PCED1B: variants seen among roughly 807,000 people sequenced by gnomAD.
PCED1B encodes PC-esterase domain-containing protein 1B.
For missense variants in PCED1B, 573 were observed against 573.9 expected (o/e 1.00, Z 0.02); for synonymous variants, 251 against 246.1 (o/e 1.02, Z -0.19).
At chr12:47,135,582 A>G in intron 2 of PCED1B, 1 of 505,036 alleles carries the variant, frequency 2.0e-6, no homozygotes, top group East Asian at 5.4e-5. Flanking sequence ...GGCACTTGGC[A>G]GTGGAGACAC....
At chr12:47,103,922 C>T (rs774079512) in intron 1 of PCED1B, among the ~76,000 whole-genome samples, 191 bp from the exon 2 acceptor site, 2 of 152,180 alleles carry the variant, frequency 1.3e-5, no homozygotes, top group Non-Finnish European at 2.9e-5. Context: ...TTAGTGACCC[C>T]GATGGCCCCT....
chr12:47,231,398 G>A (rs558756990), intron 3 of PCED1B, among the ~76,000 whole-genome samples: 2 of 288 alleles, frequency 6.9e-3, no homozygotes, highest in Admixed American at 0.018. Flanking sequence ...GGAGATAATT[G>A]GAGAGGGTGC....
rs902907045 is a variant in PCED1B at position 47,130,924 on chromosome 12, C to T, written c.-526+26729C>T. ...AAAAGTTATATTAATCAGCTATTTA[C>T]AATTAACGAAGATGATTGAGATGTG... On this transcript the variant is annotated intron_variant, in intron 2 of 3. Coordinates refer to ENST00000546455, the MANE Select transcript of PCED1B (RefSeq NM_138371.3). Among the ~76,000 whole-genome samples the T allele has an allele frequency of 2.6e-5, 4 of 152,064 alleles. No homozygotes were observed. In the East Asian group the frequency reaches 7.7e-4, roughly 29 times the overall value.
intron 3 of PCED1B, among the ~76,000 whole-genome samples, chr12:47,233,422 G>C (rs1565618107): frequency 1.3e-5 from 2 of 152,228 alleles, no homozygotes; most frequent in African/African-American, 4.8e-5. Context: ...ACAGGCGTGA[G>C]CCGCCACAAT....
intron 2 of PCED1B, among the ~76,000 whole-genome samples, chr12:47,115,575 T>A (rs1939383085): frequency 6.6e-6 from 1 of 152,178 alleles, no homozygotes; most frequent in Admixed American, 6.5e-5. Context: ...CCCTCATCTT[T>A]TTCTTCTTCC....
At chr12:47,171,787 C>T (rs1162373228) in intron 2 of PCED1B, among the ~76,000 whole-genome samples, 10 of 144,726 alleles carry the variant, frequency 6.9e-5, no homozygotes, top group East Asian at 2.3e-4. Context: ...ATCAGTCTAA[C>T]GTTTCTTCTT....
intron 2 of PCED1B, among the ~76,000 whole-genome samples, chr12:47,163,325 T>C (rs1292856359): frequency 6.6e-6 from 1 of 152,150 alleles, no homozygotes; most frequent in African/African-American, 2.4e-5. Flanking sequence ...TGAATTAGGG[T>C]TTTCAACATA....
At chr12:47,085,717 T>A (rs1246369320) in intron 1 of PCED1B, among the ~76,000 whole-genome samples, 1 of 152,248 alleles carries the variant, frequency 6.6e-6, no homozygotes, top group Non-Finnish European at 1.5e-5. Context: ...ACCTGTGCCA[T>A]AACAGTGTTT....
In PCED1B at chr12:47,235,311, G is replaced by T; in HGVS notation, c.248G>T (p.Arg83Leu). The change falls in exon 4 of 4, where the codon CGC becomes CTC. Residue 83 changes from arginine to leucine, a missense_variant. Transcript: ENST00000546455. The stretch of plus-strand genomic sequence containing the variant: ...AACTACCGTGAGGTCCGCGAGTTCC[G>T]CTCCGACCACCATCTGGTACGTTTT... ...GLNYREVREF[R>L]SDHHLVRFYF... 2 of 1,613,980 alleles carry T rather than the reference G, an allele frequency of 1.2e-6. No individual in the cohort carries two copies. The highest frequency in any genetic ancestry group is 1.7e-6 in the Non-Finnish European group (2 of 1,180,036).
intron 2 of PCED1B, among the ~76,000 whole-genome samples, chr12:47,117,659 C>T (rs866667778): frequency 2.6e-5 from 4 of 152,020 alleles, no homozygotes; most frequent in African/African-American, 9.7e-5. Flanking sequence ...AATAAACATA[C>T]GTGTGCATGT....
intron 2 of PCED1B, among the ~76,000 whole-genome samples, chr12:47,148,047 G>A (rs1940855582): frequency 6.6e-6 from 1 of 152,224 alleles, no homozygotes; most frequent in Non-Finnish European, 1.5e-5. Context: ...AGAGTTTGAT[G>A]TTAAGGTGCT....
chr12:47,096,478 G>A (rs1938488541), intron 1 of PCED1B, among the ~76,000 whole-genome samples: 1 of 151,448 alleles, frequency 6.6e-6, no homozygotes, highest in Admixed American at 6.6e-5. Flanking sequence ...GTGTACAGCT[G>A]TTCACATAAA....
At chr12:47,100,483 C>T (rs1045975026) in intron 1 of PCED1B, among the ~76,000 whole-genome samples, 4 of 152,168 alleles carry the variant, frequency 2.6e-5, no homozygotes, top group African/African-American at 9.7e-5. Context: ...TAAAGCACTT[C>T]TTCTCCCTTT....
intron 2 of PCED1B, among the ~76,000 whole-genome samples, chr12:47,176,662 T>C (rs899667263): frequency 3.3e-5 from 5 of 152,198 alleles, no homozygotes; most frequent in African/African-American, 1.2e-4. Context: ...TAGTAAATTA[T>C]CGAACCTGAG....
intron 2 of PCED1B, among the ~76,000 whole-genome samples, chr12:47,172,281 G>A (rs544106662): frequency 6.8e-6 from 1 of 147,832 alleles, no homozygotes; most frequent in Admixed American, 6.7e-5. Flanking sequence ...TTTGAACCCA[G>A]CATAAATCAT....
Position 47,131,788 on chromosome 12 carries a change from C to T in PCED1B, c.-526+27593C>T, listed in dbSNP as rs538597962. ...GGTTCAAGCAATTCCCCTGCCTCAGCCTCCCGAGTAGCTGGGATTACAGGC... is the reference window on the plus strand; with the variant it reads ...GGTTCAAGCAATTCCCCTGCCTCAGTCTCCCGAGTAGCTGGGATTACAGGC... On this transcript the variant is annotated intron_variant, in intron 2 of 3. Transcript: ENST00000546455. 2.6e-5 allele frequency among the ~76,000 whole-genome samples: 4 copies of T among 151,184 alleles called. No individual in the cohort carries two copies. The South Asian group carries it at 8.4e-4, about 32-fold the overall frequency.
chr12:47,135,234 A>G (rs1160465541), intron 2 of PCED1B, among the ~76,000 whole-genome samples: 1 of 152,356 alleles, frequency 6.6e-6, no homozygotes, highest in South Asian at 2.1e-4. Context: ...TTCAAAGGAT[A>G]TATGCAATTA....
chr12:47,196,236 T>G (rs1942598947), intron 2 of PCED1B, among the ~76,000 whole-genome samples: 1 of 152,216 alleles, frequency 6.6e-6, no homozygotes, highest in Middle Eastern at 3.2e-3. Flanking sequence ...TAGGAGGCAG[T>G]AGAACTTAGT....
At chr12:47,155,602 A>G (rs910757519) in intron 2 of PCED1B, among the ~76,000 whole-genome samples, 6 of 152,170 alleles carry the variant, frequency 3.9e-5, no homozygotes, top group Admixed American at 2.6e-4. Context: ...TTTCAACTAC[A>G]TTGCAAGGAA....
Sources: allele counts gnomAD v4.1 joint callset (sites outside exome capture counted in the v4.1 genomes callset), GRCh38; gene constraint gnomAD v4.1.1; transcripts MANE v1.5; gene names NCBI Gene and HGNC (gene_info 2026-07-23, HGNC 2026-07-21).